The following DSG3 variants were observed in gnomAD, a reference collection of about 807,000 sequenced individuals.
The protein encoded by DSG3 is desmoglein 3.
In DSG3, 63 loss-of-function variants were observed where a neutral mutation model predicts 85.9. That is an observed-to-expected ratio of 0.73 (90% confidence interval 0.60 to 0.90). The LOEUF (loss-of-function observed/expected upper bound fraction) is 0.90. Ranked by LOEUF, DSG3 falls within the 40% of genes least tolerant of loss-of-function variation. The pLI is 0.00. For synonymous variants in DSG3, 447 were observed against 441.9 expected (o/e 1.01, Z -0.14); for missense variants, 1,220 against 1,219.9 (o/e 1.00, Z 0.00).
Position 31,477,108 on chromosome 18 carries a change from G to C in DSG3, c.*848G>C, listed in dbSNP as rs1197975008. 6.6e-6 allele frequency: 1 copy of C among 152,046 alleles called. No individual in the cohort carries two copies. The highest frequency in any genetic ancestry group is 1.5e-5 in the Non-Finnish European group (1 of 68,000). The allele number at this position is 152,046 out of a possible 1,614,324, so 9.4% of individuals were successfully genotyped here. ...TATGTGTCTTTTACTCAAGCTAAGG[G>C]GTATAAGCTTATGTGTTGAATTTGC... On this transcript the variant is annotated 3_prime_UTR_variant, in exon 16 of 16. Coordinates refer to ENST00000257189, the MANE Select transcript of DSG3 (RefSeq NM_001944.3).
chr18:31,455,179 A>C (rs563379063), intron 1 of DSG3, among the ~76,000 whole-genome samples: 1 of 152,312 alleles, frequency 6.6e-6, no homozygotes, highest in African/African-American at 2.4e-5. Context: ...TAATACTAGA[A>C]TCTCCTTCAG....
chr18:31,474,428 G>A (rs564207379), intron 15 of DSG3, 24 bp downstream of exon 15: 1 of 1,581,928 alleles, frequency 6.3e-7, no homozygotes, highest in East Asian at 2.3e-5. Flanking sequence ...AAACTTTGTG[G>A]CTTGATTATC....
intron 10 of DSG3, among the ~76,000 whole-genome samples, chr18:31,465,702 C>T (rs1285562959): frequency 6.6e-6 from 1 of 152,094 alleles, no homozygotes; most frequent in African/African-American, 2.4e-5. Flanking sequence ...GTGGTTGAAG[C>T]AGAAATTTTT....
At chr18:31,459,271 C>T (rs1475719183) in intron 5 of DSG3, 94 bp downstream of exon 5, 1 of 1,199,714 alleles carries the variant, frequency 8.3e-7, no homozygotes. Flanking sequence ...AATTTATGCT[C>T]TTAGTTTAAT....
intron 7 of DSG3, 95 bp downstream of exon 7, chr18:31,461,056 G>C (rs1210154098): frequency 1.5e-6 from 2 of 1,330,512 alleles, no homozygotes; most frequent in African/African-American, 1.5e-5. Context: ...TTTTATTTAA[G>C]TTCTCTGCAC....
In DSG3 at chr18:31,466,525, T is replaced by C. The variant is rs777900063; in HGVS notation, c.1412-5T>C. The C allele has an allele frequency of 3.1e-6, 5 of 1,613,060 alleles. No individual in the cohort carries two copies. Among genetic ancestry groups the C allele is most frequent in the Admixed American group, 3.3e-5 (2 of 60,030 alleles). On this transcript the variant is annotated splice_region_variant and splice_polypyrimidine_tract_variant and intron_variant, in intron 10 of 15. Transcript: ENST00000257189. ...TTCTTTAACTCTAAAACATTGTTCT[T>C]ACAGAATACACGGGTAAAACTTCTA... is the stretch of plus-strand genomic sequence containing the variant.
chr18:31,453,529 A>G (rs2072723778), intron 1 of DSG3, among the ~76,000 whole-genome samples: 1 of 152,336 alleles, frequency 6.6e-6, no homozygotes, highest in African/African-American at 2.4e-5. Flanking sequence ...TGATACAACC[A>G]TATACATTTT....
intron 8 of DSG3, among the ~76,000 whole-genome samples, chr18:31,462,852 A>G (rs1312586950): frequency 1.3e-5 from 2 of 152,122 alleles, no homozygotes; most frequent in East Asian, 3.9e-4. Flanking sequence ...TTTCTTAAAA[A>G]CAATTTGGAT....
chr18:31,472,235 G>C (rs764689977), intron 12 of DSG3, 49 bp from the exon 13 acceptor site: 1 of 1,611,816 alleles, frequency 6.2e-7, no homozygotes, highest in East Asian at 2.2e-5. Context: ...ACATTAAATA[G>C]TTCCTAAATT....
intron 2 of DSG3, 59 bp from the exon 3 acceptor site, chr18:31,456,934 T>C: frequency 6.4e-7 from 1 of 1,564,186 alleles, no homozygotes; most frequent in Non-Finnish European, 8.7e-7. Context: ...CTGTAATCAA[T>C]ATTCTAAGCA....
At chr18:31,467,671 C>A (rs186850070) in intron 11 of DSG3, among the ~76,000 whole-genome samples, 132 of 152,284 alleles carry the variant, frequency 8.7e-4, no homozygotes, top group African/African-American at 3.0e-3. Context: ...AATCTCCATC[C>A]TTTCTGGATT....
chr18:31,466,792 GC>G (rs2072823499), intron 11 of DSG3, 38 bp downstream of exon 11: 2 of 1,537,348 alleles, frequency 1.3e-6, no homozygotes, highest in East Asian at 4.5e-5. Flanking sequence ...AATGCAAACT[GC>G]TCCTTTGTAT....
intron 1 of DSG3, among the ~76,000 whole-genome samples, chr18:31,449,502 C>G (rs899625342): frequency 3.3e-5 from 5 of 152,068 alleles, no homozygotes; most frequent in African/African-American, 1.2e-4. Context: ...ATAGGACACT[C>G]TCAATTACTC....
Position 31,466,736 on chromosome 18 carries a change from A to T in DSG3, c.1618A>T (p.Ser540Cys), listed in dbSNP as rs1403095875. Residue 540 changes from serine to cysteine, a missense_variant, in exon 11 of 16, where the codon AGT (serine) becomes TGT (cysteine). Physicochemically the swap from Ser to Cys is moderately radical, Grantham distance 112. Transcript: ENST00000257189. ...ACCTGTAAAGTTGCCTGCCGTATGG[A>T]GTATCACAACCCTCAATGGTGAGTA... ...DQPVKLPAVW[S>C]ITTLNATSAL... is the part of the protein sequence containing the mutation. 6.2e-7 allele frequency: 1 copy of T among 1,613,996 alleles called. No homozygotes were observed. Among genetic ancestry groups the T allele is most frequent in the East Asian group, 2.2e-5 (1 of 44,890 alleles).
At chr18:31,473,828 T>A (rs1341628051) in intron 14 of DSG3, among the ~76,000 whole-genome samples, 2 of 152,234 alleles carry the variant, frequency 1.3e-5, no homozygotes, top group African/African-American at 2.4e-5. Flanking sequence ...TTCCCATAAC[T>A]GTGTACTAAA....
At chr18:31,461,523 C>G in intron 8 of DSG3, 111 bp downstream of exon 8, 5 of 1,065,760 alleles carry the variant, frequency 4.7e-6, no homozygotes, top group Admixed American at 2.6e-5. Flanking sequence ...ACAGAAAACA[C>G]ATAAAAGTAG....
In DSG3 at chr18:31,476,522, T is replaced by C; in HGVS notation, c.*262T>C. 1 of 354,536 alleles carries C rather than the reference T, an allele frequency of 2.8e-6. No individual in the cohort carries two copies. The highest frequency in any genetic ancestry group is 5.0e-6 in the Non-Finnish European group (1 of 199,240). 22.0% of individuals were successfully genotyped at this position (354,536 alleles called of 1,614,324 possible). A position where few individuals can be genotyped will look rare whatever the true frequency, so the allele number is the denominator to read the frequency against. On this transcript the variant is annotated 3_prime_UTR_variant, in exon 16 of 16. Transcript: ENST00000257189. The stretch of plus-strand genomic sequence containing the variant: ...CCTAAAATCATATTCGCCAGGAAAT[T>C]TTCCTAAACATTCTTAAGCTTCTAT...
In DSG3 at chr18:31,456,855, A is replaced by G. The variant is rs933738612; in HGVS notation, c.85-138A>G. On this transcript the variant is annotated intron_variant, in intron 2 of 15. Transcript: ENST00000257189. Reference sequence around the variant, plus strand: ...TTTATTACTTGCTTGACAAAGTATCAGGTAGAGCTAATTAGATACCTAACA... The same window carrying G: ...TTTATTACTTGCTTGACAAAGTATCGGGTAGAGCTAATTAGATACCTAACA... 8 of 735,824 alleles carry G rather than the reference A, an allele frequency of 1.1e-5. No individual in the cohort carries two copies. The Admixed American group carries it at 1.9e-4, about 18-fold the overall frequency. 45.6% of individuals were successfully genotyped at this position (735,824 alleles called of 1,614,324 possible).
At chr18:31,459,705 T>A in intron 5 of DSG3, 140 bp from the exon 6 acceptor site, 1 of 780,576 alleles carries the variant, frequency 1.3e-6, no homozygotes, top group Non-Finnish European at 2.0e-6. Context: ...GTATCACAAG[T>A]GATATACAAT....
Sources: allele counts gnomAD v4.1 joint callset (sites outside exome capture counted in the v4.1 genomes callset), GRCh38; gene constraint gnomAD v4.1.1; transcripts MANE v1.5; gene names NCBI Gene and HGNC (gene_info 2026-07-23, HGNC 2026-07-21).